DAB1: variants seen among roughly 807,000 people sequenced by gnomAD.
DAB1 encodes the protein disabled homolog 1.
DAB1 carries 15 observed loss-of-function variants against 64.6 expected under a neutral mutation model. The ratio of observed to expected loss-of-function variants is 0.23; its 90% confidence interval spans 0.16 to 0.36. The LOEUF (loss-of-function observed/expected upper bound fraction) is 0.36, where lower values mean the gene tolerates loss of function less well. Ranked by LOEUF, DAB1 falls within the 10% of genes least tolerant of loss-of-function variation. The probability of loss-of-function intolerance (pLI) is 1.00; values close to 1 mark genes in which losing one functional copy is unlikely to be tolerated. For synonymous variants in DAB1, 235 were observed against 251.9 expected, an observed-to-expected ratio of 0.93 and a Z score of 0.64; for missense variants, 596 against 706.7, an observed-to-expected ratio of 0.84 and a Z score of 1.78.
At chr1:57,642,613 A>G (rs1646143656) in intron 7 of DAB1, among the ~76,000 whole-genome samples, 1 of 152,214 alleles carries the variant, frequency 6.6e-6, no homozygotes, top group African/African-American at 2.4e-5. Context: ...GCTAAAAATA[A>G]AAATATTCAC....
chr1:57,774,231 T>C (rs574703776), intron 6 of DAB1, among the ~76,000 whole-genome samples: 65 of 152,012 alleles, frequency 4.3e-4, no homozygotes, highest in African/African-American at 1.5e-3. Flanking sequence ...TTTATTTCTA[T>C]GGTATTTTAA....
chr1:58,043,049 A>G (rs1647162234), intron 5 of DAB1, among the ~76,000 whole-genome samples: 1 of 152,218 alleles, frequency 6.6e-6, no homozygotes, highest in African/African-American at 2.4e-5. Flanking sequence ...AGGAGTGTAT[A>G]AAGGAAATAC....
chr1:57,625,357 C>G (rs778780828), intron 7 of DAB1, among the ~76,000 whole-genome samples: 9 of 152,202 alleles, frequency 5.9e-5, no homozygotes, highest in East Asian at 3.9e-4. Flanking sequence ...CCATCTCCCC[C>G]CTTATCTCAC....
intron 5 of DAB1, among the ~76,000 whole-genome samples, chr1:58,105,131 C>G (rs937283978): frequency 6.6e-6 from 1 of 152,200 alleles, no homozygotes; most frequent in African/African-American, 2.4e-5. Context: ...TTGGCACTCC[C>G]ATGTGAGATC....
intron 6 of DAB1, among the ~76,000 whole-genome samples, chr1:57,788,423 A>C (rs757231516): frequency 6.6e-6 from 1 of 152,244 alleles, no homozygotes; most frequent in Non-Finnish European, 1.5e-5. Context: ...GAAGCCAGAC[A>C]CAAAAGGCTA....
intron 6 of DAB1, among the ~76,000 whole-genome samples, chr1:57,759,449 T>A (rs1273348064): frequency 1.3e-5 from 2 of 152,206 alleles, no homozygotes; most frequent in Non-Finnish European, 2.9e-5. Flanking sequence ...ATGGTAACTA[T>A]GATGGTGGTT....
intron 7 of DAB1, among the ~76,000 whole-genome samples, chr1:57,578,336 T>A (rs1192808256): frequency 6.6e-6 from 1 of 152,218 alleles, no homozygotes; most frequent in Non-Finnish European, 1.5e-5. Flanking sequence ...GGCCAAAGCT[T>A]CTGGCACTGC....
intron 7 of DAB1, among the ~76,000 whole-genome samples, chr1:57,578,644 C>T (rs747139557): frequency 9.2e-5 from 14 of 152,200 alleles, no homozygotes; most frequent in African/African-American, 1.4e-4. Context: ...ATGCCACATA[C>T]GATTCCATAA....
intron 3 of DAB1, among the ~76,000 whole-genome samples, chr1:58,344,918 T>C (rs1469201256): frequency 6.6e-6 from 1 of 152,156 alleles, no homozygotes; most frequent in Non-Finnish European, 1.5e-5. Flanking sequence ...TTTCCCAAAT[T>C]CAGCTAGGTC....
At chr1:58,377,888 C>T (rs1371868250) in intron 3 of DAB1, among the ~76,000 whole-genome samples, 2 of 141,984 alleles carry the variant, frequency 1.4e-5, no homozygotes, top group Admixed American at 7.1e-5. Flanking sequence ...TCTTCTTATT[C>T]GTTTTTCTCT....
chr1:57,503,206 G>T (rs193295589), intron 7 of DAB1, among the ~76,000 whole-genome samples: 1 of 152,172 alleles, frequency 6.6e-6, no homozygotes, highest in Non-Finnish European at 1.5e-5. Context: ...TCACATCATA[G>T]GGTACTGTAG....
intron 4 of DAB1, among the ~76,000 whole-genome samples, chr1:58,276,591 G>A (rs1661450268): frequency 6.6e-6 from 1 of 152,176 alleles, no homozygotes. Flanking sequence ...GTAGAGACAA[G>A]GTTGGCTGAT....
At chr1:57,684,154 C>T (rs1646667988) in intron 6 of DAB1, among the ~76,000 whole-genome samples, 1 of 151,888 alleles carries the variant, frequency 6.6e-6, no homozygotes, top group Admixed American at 6.6e-5. Flanking sequence ...ATTGATATTC[C>T]TGAGAGAAAA....
At chr1:58,342,336 TC>T (rs1361163246) in intron 4 of DAB1, among the ~76,000 whole-genome samples, 2 of 152,162 alleles carry the variant, frequency 1.3e-5, no homozygotes, top group East Asian at 3.8e-4. Flanking sequence ...CTAAAAGGTG[TC>T]CCAGTGAATT....
intron 6 of DAB1, among the ~76,000 whole-genome samples, chr1:57,799,939 CT>C (rs1317215492): frequency 6.6e-6 from 1 of 152,194 alleles, no homozygotes; most frequent in Non-Finnish European, 1.5e-5. Flanking sequence ...TATTTACTAT[CT>C]GGCCCTTTGC....
chr1:58,469,283 T>C (rs1645329625), intron 3 of DAB1, among the ~76,000 whole-genome samples: 1 of 152,218 alleles, frequency 6.6e-6, no homozygotes. Flanking sequence ...CTTTCACTGA[T>C]GTAGGTCTCA....
intron 1 of DAB1, among the ~76,000 whole-genome samples, chr1:57,841,275 A>C (rs1043360203): frequency 6.6e-6 from 1 of 151,472 alleles, no homozygotes. Context: ...TGCAGGGTCA[A>C]CTCCTGCAGC....
chr1:57,799,341 G>A (rs1033646694), intron 6 of DAB1, among the ~76,000 whole-genome samples: 1 of 152,068 alleles, frequency 6.6e-6, no homozygotes, highest in East Asian at 1.9e-4. Context: ...AGCCTTCGGT[G>A]GCTTCCACTT....
chr1:57,056,706 A>G (rs925423377), intron 9 of DAB1, among the ~76,000 whole-genome samples: 2 of 151,634 alleles, frequency 1.3e-5, no homozygotes, highest in Non-Finnish European at 2.9e-5. Flanking sequence ...TCTACTAAAA[A>G]TACTAAAATT....
Sources: allele counts gnomAD v4.1 joint callset (sites outside exome capture counted in the v4.1 genomes callset), GRCh38; gene constraint gnomAD v4.1.1; transcripts MANE v1.5; gene names NCBI Gene and HGNC (gene_info 2026-07-23, HGNC 2026-07-21).